The following GPM6A variants were observed in gnomAD, a reference collection of about 807,000 sequenced individuals.
GPM6A encodes the protein neuronal membrane glycoprotein M6-a.
GPM6A carries 7 observed loss-of-function variants against 32.1 expected under a neutral mutation model. That is an observed-to-expected ratio of 0.22 (90% CI 0.12 to 0.41). The LOEUF is 0.41. GPM6A is among the 10% of genes least tolerant of loss of function. The pLI, the probability that GPM6A is intolerant of heterozygous loss-of-function variation, is 1.00. For missense variants in GPM6A, 235 were observed against 347.2 expected (o/e 0.68, Z 2.57); for synonymous variants, 130 against 123.4 (o/e 1.05, Z -0.35).
At chr4:175,872,135 A>G (rs963710280) in intron 1 of GPM6A, among the ~76,000 whole-genome samples, 19 of 152,198 alleles carry the variant, frequency 1.2e-4, no homozygotes, top group African/African-American at 4.6e-4. Flanking sequence ...TTTGAAATCA[A>G]TACTAGAAGT....
intron 1 of GPM6A, among the ~76,000 whole-genome samples, chr4:175,786,430 G>A (rs984554311): frequency 2.6e-5 from 4 of 151,482 alleles, no homozygotes; most frequent in Non-Finnish European, 4.4e-5. Context: ...CAAAGCTCCC[G>A]TGCTGAACCT....
intron 1 of GPM6A, among the ~76,000 whole-genome samples, chr4:175,857,258 T>C (rs187248031): frequency 1.3e-5 from 2 of 152,220 alleles, no homozygotes; most frequent in Non-Finnish European, 2.9e-5. Context: ...TACAAATATG[T>C]GAAAAGTAAA....
intron 1 of GPM6A, among the ~76,000 whole-genome samples, chr4:175,744,765 C>G (rs920060728): frequency 6.6e-6 from 1 of 152,106 alleles, no homozygotes; most frequent in Admixed American, 6.6e-5. Flanking sequence ...TCCATCAATA[C>G]AAAACACTCT....
intron 1 of GPM6A, among the ~76,000 whole-genome samples, chr4:175,916,918 G>T (rs1015255292): frequency 1.3e-5 from 2 of 152,168 alleles, no homozygotes; most frequent in African/African-American, 4.8e-5. Flanking sequence ...TCACATAAAA[G>T]AGAATTTTTA....
chr4:175,738,230 G>A (rs774110611), intron 1 of GPM6A, among the ~76,000 whole-genome samples: 38 of 151,978 alleles, frequency 2.5e-4, no homozygotes, highest in Admixed American at 5.2e-4. Flanking sequence ...GAGTTACCGC[G>A]TCTGGCTGGT....
At chr4:175,688,299 C>T (rs1438293909) in intron 2 of GPM6A, among the ~76,000 whole-genome samples, 2 of 152,064 alleles carry the variant, frequency 1.3e-5, no homozygotes, top group Non-Finnish European at 2.9e-5. Flanking sequence ...AACTTTTCTC[C>T]TATGTTTTCT....
chr4:175,777,834 AT>A (rs1407407257), intron 1 of GPM6A, among the ~76,000 whole-genome samples: 3 of 152,188 alleles, frequency 2.0e-5, no homozygotes, highest in Admixed American at 1.3e-4. Context: ...ATTGTAAAAA[AT>A]AACTAATAAA....
intron 1 of GPM6A, among the ~76,000 whole-genome samples, chr4:175,764,992 G>C (rs1489836220): frequency 6.6e-6 from 1 of 151,834 alleles, no homozygotes; most frequent in African/African-American, 2.4e-5. Flanking sequence ...TCCTGCCTCA[G>C]CCTCCCGAAT....
rs542798313 is a variant in GPM6A, at chr4:175,665,153, A to C, written c.387+8527T>G. On this transcript the variant is annotated intron_variant, in intron 3 of 6. Coordinates refer to ENST00000393658, the MANE Select transcript of GPM6A (RefSeq NM_201591.3). Reference sequence around the variant, plus strand: ...TAATTAAAATGTCCTGTGTGCCCACAATGTGTACTGTACTAGGCCTTAGGT... The same window carrying C: ...TAATTAAAATGTCCTGTGTGCCCACCATGTGTACTGTACTAGGCCTTAGGT... Among the ~76,000 whole-genome samples the C allele has an allele frequency of 3.9e-5, 6 of 152,352 alleles. No homozygotes were observed. In the South Asian group the frequency reaches 1.0e-3, roughly 26 times the overall value.
chr4:175,991,231 A>AATTTTT (rs1554007436), intron 1 of GPM6A, among the ~76,000 whole-genome samples: 2 of 119,060 alleles, frequency 1.7e-5, no homozygotes. Context: ...ACTCCCAGCT[A>AATTTTT]TTTTTTTTTT....
intron 1 of GPM6A, among the ~76,000 whole-genome samples, chr4:175,843,086 A>C (rs1239114488): frequency 6.6e-6 from 1 of 152,000 alleles, no homozygotes; most frequent in Non-Finnish European, 1.5e-5. Flanking sequence ...TTCAAGCAGG[A>C]AATCTTTCAG....
chr4:175,730,538 T>C (rs528229659), intron 1 of GPM6A, among the ~76,000 whole-genome samples: 148 of 151,912 alleles, frequency 9.7e-4, no homozygotes, highest in African/African-American at 3.5e-3. Context: ...TGGCGCGATC[T>C]CGGCTCACTG....
intron 1 of GPM6A, among the ~76,000 whole-genome samples, chr4:175,759,716 C>G (rs1355176781): frequency 6.6e-6 from 1 of 152,090 alleles, no homozygotes; most frequent in Admixed American, 6.6e-5. Flanking sequence ...TATACCATCC[C>G]ATAGCTTTTG....
At position 175,759,298 on chromosome 4, in the gene GPM6A, G is replaced by A. The variant is rs564661553; in HGVS notation, c.37+52893C>T. ...AACTAAACAGGGGTTTGAGGAATAC[G>A]GGGGGGGCAAGAGAAAATAGTGATT... On this transcript the variant is annotated intron_variant, in intron 1 of 6. Transcript: ENST00000393658. 6.2e-5 allele frequency among the ~76,000 whole-genome samples: 9 copies of A among 144,706 alleles called. No individual in the cohort carries two copies. The South Asian group carries it at 1.5e-3, about 24-fold the overall frequency. The allele number at this position is 144,706 out of a possible 152,430, so 94.9% of individuals were successfully genotyped here.
chr4:175,749,235 C>T (rs1033318905), intron 1 of GPM6A, among the ~76,000 whole-genome samples: 1 of 152,070 alleles, frequency 6.6e-6, no homozygotes, highest in African/African-American at 2.4e-5. Context: ...ACTGCAATAA[C>T]TTTTGCATTA....
chr4:175,787,661 C>A, intron 1 of GPM6A: 3 of 1,162,728 alleles, frequency 2.6e-6, no homozygotes, highest in Non-Finnish European at 3.2e-6. Flanking sequence ...CCTAGTCAGA[C>A]AAATTTAATA....
intron 6 of GPM6A, among the ~76,000 whole-genome samples, chr4:175,637,617 A>T (rs1193130615): frequency 3.8e-4 from 10 of 26,644 alleles, no homozygotes; most frequent in African/African-American, 8.0e-4. Context: ...TATAATATAT[A>T]ATATATATTA....
At chr4:175,812,300 G>GTTTTTTTTTTTTTTTTTTTTTTTT (rs1579530737), upstream of GPM6A, 16 of 417,982 alleles carry the variant, frequency 3.8e-5, 8 homozygotes, top group African/African-American at 2.5e-4. Flanking sequence ...AAAAACTGGG[G>GTTTTTTTTTTTTTTTTTTTTTTTT]GTTTTTTTTT....
intron 1 of GPM6A, among the ~76,000 whole-genome samples, chr4:175,948,711 G>T (rs1486315906): frequency 1.3e-5 from 2 of 151,780 alleles, no homozygotes; most frequent in African/African-American, 4.9e-5. Flanking sequence ...GAAGTGAGAA[G>T]AATTATAATT....
Sources: gnomAD v4.1 joint callset for allele counts (sites outside exome capture counted in the v4.1 genomes callset) on GRCh38, gnomAD v4.1.1 for gene constraint, MANE v1.5 for transcripts, NCBI Gene and HGNC (gene_info 2026-07-23, HGNC 2026-07-21) for gene names.